The following MICU3 variants were observed in gnomAD, a reference collection of about 807,000 sequenced individuals.
MICU3 encodes the protein calcium uptake protein 3, mitochondrial.
MICU3 carries 62 observed loss-of-function variants against 66.5 expected under a neutral mutation model. That is an observed-to-expected ratio of 0.93 (90% CI 0.76 to 1.15). MICU3 has a LOEUF of 1.15. Among genes scored for constraint, MICU3 ranks in the 50% most tolerant of loss-of-function variants. MICU3 has a pLI of 0.00. For synonymous variants in MICU3, 308 were observed against 240.7 expected, an observed-to-expected ratio of 1.28 and a Z score of -2.59; for missense variants, 779 against 664.4, an observed-to-expected ratio of 1.17 and a Z score of -1.90.
the MICU3 span, among the ~76,000 whole-genome samples, chr8:17,128,771 G>A: frequency 6.6e-6 from 1 of 152,166 alleles, no homozygotes; most frequent in Non-Finnish European, 1.5e-5. Flanking sequence ...AAAAAGAGTT[G>A]CATGGGATGG....
chr8:17,036,845 C>T (rs1387149219), intron 1 of MICU3, among the ~76,000 whole-genome samples: 1 of 152,244 alleles, frequency 6.6e-6, no homozygotes, highest in East Asian at 1.9e-4. Context: ...TGGTCGATGG[C>T]ACTGGGCACC....
At chr8:17,031,124 A>G (rs2150476608) in intron 1 of MICU3, among the ~76,000 whole-genome samples, 1 of 152,148 alleles carries the variant, frequency 6.6e-6, no homozygotes, top group East Asian at 1.9e-4. Context: ...GGGCTGAGAT[A>G]GGAGGATCAT....
intron 2 of MICU3, among the ~76,000 whole-genome samples, chr8:17,067,673 C>T (rs1437321748): frequency 6.6e-6 from 1 of 152,130 alleles, no homozygotes. Context: ...CTCCTGACCT[C>T]AGGTGATCCT....
chr8:17,048,882 G>A (rs937582901), intron 1 of MICU3, among the ~76,000 whole-genome samples: 4 of 152,162 alleles, frequency 2.6e-5, no homozygotes, highest in Non-Finnish European at 5.9e-5. Context: ...GCCTCCCAGA[G>A]TGCTGAGATT....
At chr8:17,108,970 G>A (rs1392508764) in intron 11 of MICU3, among the ~76,000 whole-genome samples, 2 of 152,020 alleles carry the variant, frequency 1.3e-5, no homozygotes, top group African/African-American at 4.8e-5. Flanking sequence ...CTTTGTATAT[G>A]TTGTCCCCTC....
At chr8:17,133,426 C>G in the MICU3 span, among the ~76,000 whole-genome samples, 1 of 152,070 alleles carries the variant, frequency 6.6e-6, no homozygotes. Flanking sequence ...CTTTGTATAT[C>G]AAATATATAG....
intron 4 of MICU3, among the ~76,000 whole-genome samples, chr8:17,079,063 G>T (rs545369648): frequency 4.6e-5 from 7 of 152,170 alleles, no homozygotes; most frequent in African/African-American, 1.7e-4. Flanking sequence ...ATAGAAGAAA[G>T]AACCTTTTTT....
chr8:17,101,298 A>G (rs747243977), intron 9 of MICU3, among the ~76,000 whole-genome samples: 1 of 151,848 alleles, frequency 6.6e-6, no homozygotes, highest in Non-Finnish European at 1.5e-5. Flanking sequence ...TCACAGGGAT[A>G]AAGTCTCTAT....
At chr8:17,078,526 A>G (rs1174977332) in intron 4 of MICU3, among the ~76,000 whole-genome samples, 1 of 152,112 alleles carries the variant, frequency 6.6e-6, no homozygotes, top group Non-Finnish European at 1.5e-5. Context: ...TTAATCTTAA[A>G]AAGTAATATT....
chr8:17,055,565 T>G (rs78168859), intron 1 of MICU3, among the ~76,000 whole-genome samples: 132 of 152,314 alleles, frequency 8.7e-4, no homozygotes, highest in African/African-American at 3.0e-3. Flanking sequence ...TAAGTTCTCT[T>G]CAGTTGAAGG....
chr8:17,075,075 T>A (rs1343296341), intron 3 of MICU3, among the ~76,000 whole-genome samples: 1 of 152,024 alleles, frequency 6.6e-6, no homozygotes, highest in Non-Finnish European at 1.5e-5. Context: ...GTACCTATGG[T>A]TATGGTTTTA....
In MICU3 at chr8:17,108,782, T is replaced by A. The variant is rs150618353; in HGVS notation, c.1257+3198T>A. ...GAAATGTTTTTGACTGTGATTTCGA[T>A]CATACCACAGTAAGATTGCCATTCT... On this transcript the variant is annotated intron_variant, in intron 11 of 14. Coordinates refer to ENST00000318063, the MANE Select transcript of MICU3 (RefSeq NM_181723.3). 2.1e-3 allele frequency among the ~76,000 whole-genome samples: 319 copies of A among 152,294 alleles called. 5 individuals carry two copies. The highest frequency in any genetic ancestry group is 2.7e-3 in the Non-Finnish European group (187 of 68,024).
At position 17,042,931 on chromosome 8, in the gene MICU3, A is replaced by ATTTTTTTTTTT. The variant is rs996846253; in HGVS notation, c.381+15287_381+15297dup. ...AAACTGCTTGTAGCAATTCAAAGTG[A>ATTTTTTTTTTT]TTTTTTTTTTTTTTTTTTTTTTTTT... On this transcript the variant is annotated intron_variant, in intron 1 of 14. Coordinates refer to ENST00000318063, the MANE Select transcript of MICU3 (RefSeq NM_181723.3). 2.3e-4 allele frequency among the ~76,000 whole-genome samples: 19 copies of ATTTTTTTTTTT among 82,158 alleles called. 4 individuals carry two copies. The highest frequency in any genetic ancestry group is 1.0e-3 in the African/African-American group (18 of 17,332). The allele number at this position is 82,158 out of a possible 152,430, so 53.9% of individuals were successfully genotyped here. A position where few individuals can be genotyped will look rare whatever the true frequency, so the allele number is the denominator to read the frequency against.
chr8:17,093,656 C>A (rs1032427872), intron 8 of MICU3, among the ~76,000 whole-genome samples: 1 of 151,664 alleles, frequency 6.6e-6, no homozygotes, highest in South Asian at 2.1e-4. Flanking sequence ...ATTGTTGTTA[C>A]CTGTATAAGA....
At chr8:17,137,998 A>G in the MICU3 span, among the ~76,000 whole-genome samples, 1 of 152,038 alleles carries the variant, frequency 6.6e-6, no homozygotes, top group African/African-American at 2.4e-5. Context: ...TACAGGCATG[A>G]ACCACCATGC....
intron 11 of MICU3, among the ~76,000 whole-genome samples, chr8:17,106,458 C>T (rs545279457): frequency 8.6e-5 from 13 of 150,584 alleles, no homozygotes; most frequent in African/African-American, 2.7e-4. Flanking sequence ...TTCATAGGTA[C>T]TTCCCTAAAA....
At chr8:17,105,162 C>T (rs2150813135) in intron 10 of MICU3, among the ~76,000 whole-genome samples, 1 of 152,008 alleles carries the variant, frequency 6.6e-6, no homozygotes, top group African/African-American at 2.4e-5. Flanking sequence ...CTTTTGTTAT[C>T]CCCATGTTAT....
At chr8:17,052,234 A>G (rs1816218923) in intron 1 of MICU3, among the ~76,000 whole-genome samples, 1 of 152,090 alleles carries the variant, frequency 6.6e-6, no homozygotes. Context: ...ATGATACATA[A>G]TATTTGTATG....
chr8:17,053,438 A>G (rs925358002), intron 1 of MICU3, among the ~76,000 whole-genome samples: 1 of 152,188 alleles, frequency 6.6e-6, no homozygotes, highest in African/African-American at 2.4e-5. Context: ...CTGTTTTTAT[A>G]GGAAGGATAA....
Sources: gnomAD v4.1 joint callset for allele counts (sites outside exome capture counted in the v4.1 genomes callset) on GRCh38, gnomAD v4.1.1 for gene constraint, MANE v1.5 for transcripts, NCBI Gene and HGNC (gene_info 2026-07-23, HGNC 2026-07-21) for gene names.